Variants in TEX35 observed in about 807,000 individuals in gnomAD.
TEX35 encodes testis expressed 35.
Under a neutral mutation model 31.9 loss-of-function variants are expected in TEX35, and 26 were observed. The ratio of observed to expected loss-of-function variants is 0.81; its 90% CI spans 0.60 to 1.13. The LOEUF (loss-of-function observed/expected upper bound fraction) is 1.13, where lower values mean the gene tolerates loss of function less well. Among genes scored for constraint, TEX35 ranks in the 50% most tolerant of loss-of-function variants. TEX35 has a pLI of 0.00. For synonymous variants in TEX35, 87 were observed against 90.7 expected, an observed-to-expected ratio of 0.96 and a Z score of 0.23; for missense variants, 278 against 273.5, an observed-to-expected ratio of 1.02 and a Z score of -0.12.
Position 178,514,011 on chromosome 1 carries a change from T to G in TEX35, c.40-16T>G. On this transcript the variant is annotated splice_polypyrimidine_tract_variant and intron_variant, in intron 1 of 8. Coordinates refer to ENST00000319416, the MANE Select transcript of TEX35 (RefSeq NM_032126.5). ...TGATGTCTGCCAGCCTGAATCTCAG[T>G]CTCCTCTTTTTGCAGAGCAAGAACT... 6.2e-7 allele frequency: 1 copy of G among 1,613,286 alleles called. No homozygotes were observed. Among genetic ancestry groups the G allele is most frequent in the East Asian group, 2.2e-5 (1 of 44,860 alleles).
At chr1:178,513,931 G>A (rs1315761719) in intron 1 of TEX35, 96 bp from the exon 2 acceptor site, 5 of 1,437,726 alleles carry the variant, frequency 3.5e-6, no homozygotes, top group South Asian at 1.3e-5. Context: ...GCATGGTTGT[G>A]GGGGGCAGGG....
chr1:178,522,628 C>T lies in TEX35; in HGVS notation c.*188C>T. 2 of 1,276,172 alleles carry T rather than the reference C, an allele frequency of 1.6e-6. No homozygotes were observed. The highest frequency in any genetic ancestry group is 1.5e-5 in the African/African-American group (1 of 66,308). The allele number at this position is 1,276,172 out of a possible 1,614,324, so 79.1% of individuals were successfully genotyped here. A position where few individuals can be genotyped will look rare whatever the true frequency, so the allele number is the denominator to read the frequency against. ...TTGCTAAGCTGGCTGCTTCTACCAT[C>T]TAATAAATAATTGGCCAAGTTCTTT... On this transcript the variant is annotated 3_prime_UTR_variant, in exon 9 of 9. Coordinates refer to ENST00000319416, the MANE Select transcript of TEX35 (RefSeq NM_032126.5).
chr1:178,522,134 C>A, intron 8 of TEX35, 191 bp from the exon 9 acceptor site: 2 of 797,012 alleles, frequency 2.5e-6, no homozygotes, highest in Non-Finnish European at 3.8e-6. Context: ...TGCATGGGGC[C>A]AGGGTGTCTT....
At chr1:178,516,403 C>T (rs911062220) in intron 4 of TEX35, among the ~76,000 whole-genome samples, 13 of 152,254 alleles carry the variant, frequency 8.5e-5, no homozygotes, top group Middle Eastern at 3.2e-3. Context: ...AGATCTAAGC[C>T]GTGCCAAGGC....
At chr1:178,516,535 TA>T in intron 4 of TEX35, 79 bp from the exon 5 acceptor site, 1 of 1,307,872 alleles carries the variant, frequency 7.6e-7, no homozygotes. Flanking sequence ...GCCCTTTGCT[TA>T]AAATGCCTGA....
At chr1:178,520,220 T>C in intron 5 of TEX35, 152 bp from the exon 6 acceptor site, 1 of 670,852 alleles carries the variant, frequency 1.5e-6, no homozygotes, top group Non-Finnish European at 2.5e-6. Flanking sequence ...GGAGAAGCTG[T>C]ACATGTCACG....
chr1:178,516,201 T>G (rs1650068798), intron 4 of TEX35, among the ~76,000 whole-genome samples: 1 of 152,212 alleles, frequency 6.6e-6, no homozygotes, highest in Non-Finnish European at 1.5e-5. Context: ...AATATGAATT[T>G]AGGGGAAGTC....
Position 178,522,592 on chromosome 1 carries a change from G to A in TEX35, c.*152G>A. 1 of 1,317,558 alleles carries A rather than the reference G, an allele frequency of 7.6e-7. No homozygotes were observed. Among genetic ancestry groups the A allele is most frequent in the East Asian group, 2.8e-5 (1 of 35,966 alleles). 81.6% of individuals were successfully genotyped at this position (1,317,558 alleles called of 1,614,324 possible). On this transcript the variant is annotated 3_prime_UTR_variant, in exon 9 of 9. Coordinates refer to ENST00000319416, the MANE Select transcript of TEX35 (RefSeq NM_032126.5). ...TTTTATTTCACACCAGTTCCTCCTT[G>A]TTTCATCTCTTTGCTAAGCTGGCTG...
At chr1:178,522,915 G>A (rs942590524), downstream of TEX35, among the ~76,000 whole-genome samples, 37 of 152,096 alleles carry the variant, frequency 2.4e-4, no homozygotes, top group African/African-American at 7.7e-4. Context: ...TCTATTTTTT[G>A]TACCCCTTAA....
rs1649939867 is a variant in TEX35 at position 178,513,247 on chromosome 1, G to A, written c.39+20G>A. 1.9e-6 allele frequency: 3 copies of A among 1,614,058 alleles called. No individual in the cohort carries two copies. Among genetic ancestry groups the A allele is most frequent in the Non-Finnish European group, 2.5e-6 (3 of 1,179,946 alleles). On this transcript the variant is annotated intron_variant, in intron 1 of 8. Transcript: ENST00000319416. Reference sequence around the variant, plus strand: ...CATCTGGTAAAAGAGAGACATTGCTGGACAGTGTGGGTCCTCTCTGAGCTC... The same window carrying A: ...CATCTGGTAAAAGAGAGACATTGCTAGACAGTGTGGGTCCTCTCTGAGCTC...
intron 5 of TEX35, among the ~76,000 whole-genome samples, chr1:178,519,101 C>T (rs546328184): frequency 6.6e-6 from 1 of 152,082 alleles, no homozygotes; most frequent in Non-Finnish European, 1.5e-5. Flanking sequence ...AAGCTTAGCC[C>T]GGCAGGTTTT....
chr1:178,519,204 A>G lies in TEX35; in HGVS notation c.277-1168A>G, dbSNP rs974122386. On this transcript the variant is annotated intron_variant, in intron 5 of 8. Transcript: ENST00000319416. ...CTGGACCAGGTGTAGGGAAAGAAGG[A>G]AGAGATAAATCTGAAAGATGCACTG... Among the ~76,000 whole-genome samples, 6 of 151,698 alleles carry G rather than the reference A, an allele frequency of 4.0e-5. No homozygotes were observed. The South Asian group carries it at 1.0e-3, about 26-fold the overall frequency.
chr1:178,522,059 G>A (rs927278510), intron 8 of TEX35: 1 of 654,360 alleles, frequency 1.5e-6, no homozygotes, highest in Non-Finnish European at 2.5e-6. Context: ...GCCAGTCTGT[G>A]TGGTCTCAGG....
chr1:178,516,714 A>G, intron 5 of TEX35, 40 bp downstream of exon 5: 3 of 1,461,836 alleles, frequency 2.1e-6, no homozygotes, highest in Non-Finnish European at 2.8e-6. Context: ...CCAGTACCAT[A>G]CTGGAAACTG....
chr1:178,515,085 T>A (rs1355684310), intron 3 of TEX35, among the ~76,000 whole-genome samples: 1 of 152,184 alleles, frequency 6.6e-6, no homozygotes, highest in Non-Finnish European at 1.5e-5. Context: ...GTTCTTTTTC[T>A]TTGGGTACAC....
chr1:178,519,163 A>G (rs922793329), intron 5 of TEX35, among the ~76,000 whole-genome samples: 1 of 152,172 alleles, frequency 6.6e-6, no homozygotes, highest in East Asian at 1.9e-4. Flanking sequence ...GATGTCTGAC[A>G]GCAAGAACAC....
intron 8 of TEX35, 154 bp from the exon 9 acceptor site, chr1:178,522,171 C>G (rs536920115): frequency 9.4e-7 from 1 of 1,067,664 alleles, no homozygotes. Flanking sequence ...CCCTCAGCCT[C>G]GAGTTCTGCC....
intron 4 of TEX35, 22 bp downstream of exon 4, chr1:178,515,937 T>A: frequency 6.3e-7 from 1 of 1,585,820 alleles, no homozygotes. Context: ...AGGCCTTCCA[T>A]ATCATGGAGG....
intron 5 of TEX35, 35 bp from the exon 6 acceptor site, chr1:178,520,337 A>G: frequency 1.9e-6 from 3 of 1,602,250 alleles, no homozygotes; most frequent in Middle Eastern, 1.7e-4. Context: ...AAGTCCTTCA[A>G]AATGAAGATG....
Sources: allele counts gnomAD v4.1 joint callset (sites outside exome capture counted in the v4.1 genomes callset), GRCh38; gene constraint gnomAD v4.1.1; transcripts MANE v1.5; gene names NCBI Gene and HGNC (gene_info 2026-07-23, HGNC 2026-07-21).